Variants in CNNM2 observed in about 807,000 individuals in gnomAD.
CNNM2 encodes the protein metal transporter CNNM2.
A neutral mutation model predicts 66.9 loss-of-function variants in CNNM2; 12 were observed. The observed-to-expected ratio is 0.18, with a 90% CI of 0.11 to 0.29. CNNM2 has a LOEUF of 0.29. CNNM2 is among the 10% of genes least tolerant of loss of function. The pLI is 1.00. For missense variants in CNNM2, 705 were observed against 1,167.7 expected (o/e 0.60, Z 5.77); for synonymous variants, 557 against 501.8 (o/e 1.11, Z -1.47).
chr10:103,028,825 T>C (rs2064762567), intron 1 of CNNM2, among the ~76,000 whole-genome samples: 1 of 123,604 alleles, frequency 8.1e-6, no homozygotes, highest in South Asian at 3.1e-4. Context: ...TTTTTTTTTT[T>C]TTCTTTTTTT....
intron 1 of CNNM2, among the ~76,000 whole-genome samples, chr10:102,979,685 T>C (rs1268387967): frequency 1.3e-5 from 2 of 152,066 alleles, no homozygotes; most frequent in African/African-American, 4.8e-5. Flanking sequence ...AATAGTTGAG[T>C]GAGTAAATGA....
At position 103,077,718 on chromosome 10, in the gene CNNM2, T is replaced by C. The variant is rs1001743536; in HGVS notation, c.*538T>C. On this transcript the variant is annotated 3_prime_UTR_variant, in exon 8 of 8. Coordinates refer to ENST00000369878, the MANE Select transcript of CNNM2 (RefSeq NM_017649.5). The stretch of plus-strand genomic sequence containing the variant: ...ATCACCGTCGATCTCGCTGGCTGAA[T>C]GAAGAAGACCGTGTTACTGCAGAAC... 4 of 157,692 alleles carry C rather than the reference T, an allele frequency of 2.5e-5. No individual in the cohort carries two copies. The highest frequency in any genetic ancestry group is 9.6e-5 in the African/African-American group (4 of 41,494). The allele number at this position is 157,692 out of a possible 1,614,324, so 9.8% of individuals were successfully genotyped here.
intron 1 of CNNM2, among the ~76,000 whole-genome samples, chr10:102,973,008 G>T (rs1052607414): frequency 6.6e-6 from 1 of 152,132 alleles, no homozygotes; most frequent in African/African-American, 2.4e-5. Flanking sequence ...ATGAAACTGG[G>T]ATGACAGCAT....
Position 103,011,682 on chromosome 10 carries a change from G to GTGTGTGTA in CNNM2, c.1622-38022_1622-38021insGTGTATGT, listed in dbSNP as rs747928487. 0.018 allele frequency among the ~76,000 whole-genome samples: 2,654 copies of GTGTGTGTA among 148,164 alleles called. 39 individuals are homozygous for GTGTGTGTA. The highest frequency in any genetic ancestry group is 0.034 in the Middle Eastern group (10 of 294). On this transcript the variant is annotated intron_variant, in intron 1 of 7. Coordinates refer to ENST00000369878, the MANE Select transcript of CNNM2 (RefSeq NM_017649.5). ...TGTGTGTGTGTGTGTGTGTGTGTGTGTGTATGTATAATTTTTTTTTTTTGA... is the reference window on the plus strand; with the variant it reads ...TGTGTGTGTGTGTGTGTGTGTGTGTGTGTGTGTATGTATGTATAATTTTTTTTTTTTGA...
intron 1 of CNNM2, among the ~76,000 whole-genome samples, chr10:102,933,386 A>G (rs1220265871): frequency 1.3e-5 from 2 of 152,180 alleles, no homozygotes; most frequent in Non-Finnish European, 2.9e-5. Context: ...TGATGCTATT[A>G]TAAATGGAAT....
chr10:102,984,647 G>A (rs1349969904), intron 1 of CNNM2, among the ~76,000 whole-genome samples: 1 of 152,120 alleles, frequency 6.6e-6, no homozygotes, highest in African/African-American at 2.4e-5. Context: ...ATATAATTGT[G>A]TAATCTTGTC....
At chr10:102,987,662 A>ATT (rs1407210630) in intron 1 of CNNM2, among the ~76,000 whole-genome samples, 2 of 151,838 alleles carry the variant, frequency 1.3e-5, no homozygotes, top group African/African-American at 4.8e-5. Flanking sequence ...TATATTTTGT[A>ATT]ATATATATAA....
chr10:103,031,107 A>G (rs1218672881), intron 1 of CNNM2, among the ~76,000 whole-genome samples: 1 of 152,236 alleles, frequency 6.6e-6, no homozygotes, highest in Non-Finnish European at 1.5e-5. Flanking sequence ...CGTGAAAAGC[A>G]TATTACCACA....
chr10:102,960,872 G>A (rs972920166), intron 1 of CNNM2, among the ~76,000 whole-genome samples: 6 of 135,484 alleles, frequency 4.4e-5, no homozygotes, highest in African/African-American at 1.1e-4. Flanking sequence ...TACAACCTCC[G>A]CCTCCTGAGT....
At chr10:102,994,251 C>G (rs2063948523) in intron 1 of CNNM2, among the ~76,000 whole-genome samples, 1 of 152,192 alleles carries the variant, frequency 6.6e-6, no homozygotes, top group South Asian at 2.1e-4. Flanking sequence ...ATCTTAACTT[C>G]TACTCCTTAC....
rs1413518746 is a variant in CNNM2 at position 102,920,040 on chromosome 10, C to T, written c.1560C>T (p.His520=). ...PLKTITKFYN[H]PLHFVFNDTK... Reference sequence around the variant, plus strand: ...AAACCATCACCAAATTTTATAACCACCCCTTGCACTTTGTTTTCAATGACA... The same window carrying T: ...AAACCATCACCAAATTTTATAACCATCCCTTGCACTTTGTTTTCAATGACA... The change falls in exon 1 of 8, where the codon CAC becomes CAT. Residue 520 remains histidine (H), a synonymous_variant. Coordinates refer to ENST00000369878, the MANE Select transcript of CNNM2 (RefSeq NM_017649.5). 3 of 1,614,100 alleles carry T rather than the reference C, an allele frequency of 1.9e-6. No individual in the cohort carries two copies. Among genetic ancestry groups the T allele is most frequent in the African/African-American group, 1.3e-5 (1 of 74,926 alleles).
intron 1 of CNNM2, among the ~76,000 whole-genome samples, chr10:103,044,401 T>G (rs1470659350): frequency 6.6e-6 from 1 of 152,000 alleles, no homozygotes; most frequent in Non-Finnish European, 1.5e-5. Context: ...ACAAAAAATT[T>G]AAAAATTAGT....
chr10:103,044,630 A>T lies in CNNM2; in HGVS notation c.1622-5077A>T, dbSNP rs1030046110. 2.0e-5 allele frequency among the ~76,000 whole-genome samples: 3 copies of T among 152,154 alleles called. 1 individual carries two copies. Among genetic ancestry groups the T allele is most frequent in the African/African-American group, 7.2e-5 (3 of 41,438 alleles). On this transcript the variant is annotated intron_variant, in intron 1 of 7. Transcript: ENST00000369878. ...ACTAAAGTCCCTGCAGTGAATGGTT[A>T]AGTGGGAAGGTGCATGGAATCACTG...
intron 1 of CNNM2, among the ~76,000 whole-genome samples, chr10:103,047,378 T>C (rs2065144144): frequency 6.6e-6 from 1 of 152,160 alleles, no homozygotes; most frequent in African/African-American, 2.4e-5. Context: ...CGAAAAACTG[T>C]CACAGACCAG....
chr10:103,040,444 G>A (rs1590443178), intron 1 of CNNM2, among the ~76,000 whole-genome samples: 1 of 152,056 alleles, frequency 6.6e-6, no homozygotes, highest in Non-Finnish European at 1.5e-5. Context: ...ATGCCTTTGA[G>A]CCCTGCCCTA....
intron 1 of CNNM2, among the ~76,000 whole-genome samples, chr10:102,946,680 C>T (rs939001824): frequency 2.6e-5 from 4 of 152,080 alleles, no homozygotes; most frequent in Admixed American, 6.6e-5. Context: ...ATTGAACACC[C>T]GTGAGGTGTT....
rs967125478 is a variant in CNNM2, at chr10:103,006,172, C to T, written c.1622-43535C>T. On this transcript the variant is annotated intron_variant, in intron 1 of 7. Coordinates refer to ENST00000369878, the MANE Select transcript of CNNM2 (RefSeq NM_017649.5). ...AGGGGGAAAGCTTTCAGTATTTCAC[C>T]ATTAACTGTGATGTTTGCTTTAGAT... Among the ~76,000 whole-genome samples the T allele has an allele frequency of 4.0e-5, 6 of 151,758 alleles. 1 individual carries two copies. In the Middle Eastern group the frequency reaches 0.01, roughly 260 times the overall value.
Position 102,918,885 on chromosome 10 carries a change from G to C in CNNM2, c.405G>C (p.Leu135=). 1 of 1,608,852 alleles carries C rather than the reference G, an allele frequency of 6.2e-7. No homozygotes were observed. Among genetic ancestry groups the C allele is most frequent in the South Asian group, 1.1e-5 (1 of 90,810 alleles). ...RRRHSPGERG[L]GGPAPPEPDS... Reference sequence around the variant, plus strand: ...GCCACAGCCCGGGGGAGCGCGGGCTGGGGGGCCCCGCGCCGCCAGAGCCGG... The same window carrying C: ...GCCACAGCCCGGGGGAGCGCGGGCTCGGGGGCCCCGCGCCGCCAGAGCCGG... The change falls in exon 1 of 8, where the codon CTG becomes CTC. Residue 135 remains leucine (L), a synonymous_variant. Transcript: ENST00000369878. This position sits in a 1 kb window ranked among gnomAD's most constrained non-coding sequence, Gnocchi z 4.1.
At chr10:103,000,722 G>A (rs138094660) in intron 1 of CNNM2, among the ~76,000 whole-genome samples, 177 of 152,222 alleles carry the variant, frequency 1.2e-3, no homozygotes, top group African/African-American at 3.8e-3. Flanking sequence ...TGGGATTACA[G>A]GTATGTACTA....
Sources: gnomAD v4.1 joint callset for allele counts (sites outside exome capture counted in the v4.1 genomes callset) on GRCh38, gnomAD v4.1.1 for gene constraint, Gnocchi (gnomAD v3.1) non-coding constraint, MANE v1.5 for transcripts, NCBI Gene and HGNC (gene_info 2026-07-23, HGNC 2026-07-21) for gene names.